Variants in ITGAV observed in about 807,000 individuals in gnomAD.
ITGAV encodes the protein integrin subunit alpha V, also known as integrin alpha-V.
In ITGAV, 76 loss-of-function variants were observed where a neutral mutation model predicts 143.8. The observed-to-expected ratio is 0.53, with a 90% CI of 0.44 to 0.64. The LOEUF is 0.64. Among genes scored for constraint, ITGAV ranks in the 30% least tolerant of loss-of-function variants. The pLI is 0.00. For missense variants in ITGAV, 1,193 were observed against 1,274.7 expected (o/e 0.94, Z 0.98); for synonymous variants, 453 against 446.7 (o/e 1.01, Z -0.18).
intron 12 of ITGAV, among the ~76,000 whole-genome samples, chr2:186,641,841 T>C (rs770247066): frequency 2.6e-5 from 4 of 152,226 alleles, no homozygotes; most frequent in Admixed American, 6.5e-5. Flanking sequence ...GAATGATTAC[T>C]TTCTGAAAGG....
At chr2:186,670,001 T>A (rs1236683741) in intron 26 of ITGAV, 187 bp downstream of exon 26, 1 of 544,736 alleles carries the variant, frequency 1.8e-6, no homozygotes, top group Non-Finnish European at 3.2e-6. Context: ...TCAAATGAGC[T>A]ATTTTTGTAG....
intron 26 of ITGAV, among the ~76,000 whole-genome samples, chr2:186,674,987 C>G (rs1689168912): frequency 6.6e-6 from 1 of 152,166 alleles, no homozygotes; most frequent in East Asian, 1.9e-4. Flanking sequence ...CTTTTCTACT[C>G]CTAATCGTCA....
intron 10 of ITGAV, among the ~76,000 whole-genome samples, chr2:186,640,566 T>G (rs1688074231): frequency 6.6e-6 from 1 of 152,184 alleles, no homozygotes; most frequent in Non-Finnish European, 1.5e-5. Flanking sequence ...TGTGCTTGTG[T>G]CTGGTATGTT....
chr2:186,662,316 C>T (rs964401634), intron 18 of ITGAV, among the ~76,000 whole-genome samples: 3 of 152,150 alleles, frequency 2.0e-5, no homozygotes, highest in African/African-American at 7.2e-5. Context: ...CTTATAGCAA[C>T]TGCTTATATC....
intron 1 of ITGAV, among the ~76,000 whole-genome samples, chr2:186,601,090 A>C (rs1574459849): frequency 6.6e-6 from 1 of 152,172 alleles, no homozygotes; most frequent in Non-Finnish European, 1.5e-5. Context: ...CAACAAAAGA[A>C]AACATCTCTT....
intron 13 of ITGAV, 72 bp from the exon 14 acceptor site, chr2:186,649,768 A>C: frequency 9.6e-7 from 1 of 1,037,228 alleles, no homozygotes; most frequent in Non-Finnish European, 1.4e-6. Context: ...ATTCATTGAA[A>C]ATTTTATAGA....
chr2:186,605,090 C>T (rs539399032), intron 2 of ITGAV, among the ~76,000 whole-genome samples: 14 of 152,272 alleles, frequency 9.2e-5, no homozygotes, highest in Admixed American at 6.5e-4. Context: ...GGGGATTGAT[C>T]GTATATCAGC....
intron 10 of ITGAV, among the ~76,000 whole-genome samples, 166 bp downstream of exon 10, chr2:186,638,631 CGTGTGTGT>C (rs34535817): frequency 0.056 from 8,121 of 144,750 alleles, 287 homozygotes; most frequent in Non-Finnish European, 0.079. Context: ...CTCTTTTGAG[CGTGTGTGT>C]GTGTGTGTGT....
intron 13 of ITGAV, among the ~76,000 whole-genome samples, chr2:186,647,773 C>A (rs1282645244): frequency 6.6e-6 from 1 of 152,074 alleles, no homozygotes; most frequent in Non-Finnish European, 1.5e-5. Flanking sequence ...CAAAACAGAT[C>A]TTTTCTTTAA....
At chr2:186,608,287 G>A (rs1465641044) in intron 2 of ITGAV, among the ~76,000 whole-genome samples, 1 of 152,170 alleles carries the variant, frequency 6.6e-6, no homozygotes, top group Non-Finnish European at 1.5e-5. Flanking sequence ...TTGAGCCTTA[G>A]GAAGCCGCAG....
intron 2 of ITGAV, among the ~76,000 whole-genome samples, chr2:186,611,052 A>T (rs1220133254): frequency 6.6e-6 from 1 of 151,994 alleles, no homozygotes; most frequent in Non-Finnish European, 1.5e-5. Flanking sequence ...TTTCCTTTCC[A>T]TTTCCAGCTT....
intron 1 of ITGAV, among the ~76,000 whole-genome samples, chr2:186,596,347 T>C (rs527706365): frequency 6.6e-6 from 1 of 152,350 alleles, no homozygotes; most frequent in East Asian, 1.9e-4. Flanking sequence ...TCTCTTACCC[T>C]AATTAAGCTG....
At chr2:186,663,565 T>C (rs1688805963) in intron 18 of ITGAV, among the ~76,000 whole-genome samples, 1 of 152,214 alleles carries the variant, frequency 6.6e-6, no homozygotes, top group Non-Finnish European at 1.5e-5. Context: ...CTTCTTTCTC[T>C]TTCTTGACTG....
At chr2:186,673,095 G>T (rs373540633) in intron 26 of ITGAV, among the ~76,000 whole-genome samples, 4 of 152,292 alleles carry the variant, frequency 2.6e-5, no homozygotes, top group South Asian at 4.1e-4. Context: ...TAATTTATGT[G>T]TATGGTGTGA....
chr2:186,597,119 G>A (rs531688252), intron 1 of ITGAV, among the ~76,000 whole-genome samples: 1 of 152,312 alleles, frequency 6.6e-6, no homozygotes, highest in South Asian at 2.1e-4. Flanking sequence ...CTGATGAAAA[G>A]CAACAGGCTT....
intron 8 of ITGAV, 42 bp downstream of exon 8, chr2:186,637,151 G>T (rs200248006): frequency 2.0e-6 from 3 of 1,514,502 alleles, no homozygotes; most frequent in African/African-American, 1.4e-5. Flanking sequence ...AAAAAAATTA[G>T]ATTAAGTATT....
At chr2:186,636,375 G>A (rs1383115631) in intron 7 of ITGAV, among the ~76,000 whole-genome samples, 168 bp downstream of exon 7, 1 of 152,070 alleles carries the variant, frequency 6.6e-6, no homozygotes, top group Non-Finnish European at 1.5e-5. Flanking sequence ...GTTATGTTAC[G>A]TTTCAGTAAT....
intron 26 of ITGAV, chr2:186,670,105 C>T (rs973172055): frequency 8.4e-6 from 3 of 358,112 alleles, no homozygotes; most frequent in Non-Finnish European, 1.5e-5. Flanking sequence ...ATCTCTGAGG[C>T]TTTAGTACGA....
At chr2:186,610,083 G>A (rs572332640) in intron 2 of ITGAV, among the ~76,000 whole-genome samples, 63 of 152,004 alleles carry the variant, frequency 4.1e-4, no homozygotes, top group Non-Finnish European at 7.5e-4. Flanking sequence ...TTCAGTACCC[G>A]TCTTATTAAT....
Sources: gnomAD v4.1 joint callset for allele counts (sites outside exome capture counted in the v4.1 genomes callset) on GRCh38, gnomAD v4.1.1 for gene constraint, MANE v1.5 for transcripts, NCBI Gene and HGNC (gene_info 2026-07-23, HGNC 2026-07-21) for gene names.